The following DZIP3 variants were observed in gnomAD, a reference collection of about 807,000 sequenced individuals.
The protein encoded by DZIP3 is E3 ubiquitin-protein ligase DZIP3.
A neutral mutation model predicts 162.0 loss-of-function variants in DZIP3; 118 were observed. The ratio of observed to expected loss-of-function variants is 0.73; its 90% CI spans 0.63 to 0.85. The LOEUF (loss-of-function observed/expected upper bound fraction) is 0.85, where lower values mean the gene tolerates loss of function less well. Ranked by LOEUF, DZIP3 falls within the 40% of genes least tolerant of loss-of-function variation. DZIP3 has a pLI of 0.00. For missense variants in DZIP3, 1,331 were observed against 1,407.0 expected (o/e 0.95, Z 0.86); for synonymous variants, 438 against 458.6 (o/e 0.96, Z 0.57).
intron 26 of DZIP3, among the ~76,000 whole-genome samples, chr3:108,679,566 G>A (rs186068703): frequency 1.3e-5 from 2 of 152,192 alleles, no homozygotes; most frequent in East Asian, 3.9e-4. Flanking sequence ...TGACCACTGA[G>A]CATCAGAGGA....
chr3:108,631,077 T>TCTCTCTCTCTCTCTCTCTCTCTCC (rs1941860963), intron 8 of DZIP3, among the ~76,000 whole-genome samples: 1 of 134,556 alleles, frequency 7.4e-6, no homozygotes, highest in Non-Finnish European at 1.6e-5. Context: ...TCTCTCTCTC[T>TCTCTCTCTCTCTCTCTCTCTCTCC]CTCTCTCTCT....
chr3:108,633,012 T>A lies in DZIP3; in HGVS notation c.756T>A (p.Cys252Ter), dbSNP rs1941958840. The A allele has an allele frequency of 2.6e-6, 4 of 1,509,896 alleles. No homozygotes were observed. The highest frequency in any genetic ancestry group is 2.0e-5 in the Admixed American group (1 of 50,640). 93.5% of individuals were successfully genotyped at this position (1,509,896 alleles called of 1,614,324 possible). Residue 252 changes from cysteine to a stop codon, truncating the protein, a stop_gained, in exon 9 of 33, where the codon TGT becomes TGA. Coordinates refer to ENST00000361582, the MANE Select transcript of DZIP3 (RefSeq NM_014648.4). LOFTEE classifies it high-confidence loss of function. ...GCAATATAATGAAGCAGACGATTTGTAGTTACCTAGATTGTGAACGATCTT... is the reference window on the plus strand; with the variant it reads ...GCAATATAATGAAGCAGACGATTTGAAGTTACCTAGATTGTGAACGATCTT... ...TESNIMKQTI[C>*]SYLDCERSCE...
Position 108,635,420 on chromosome 3 carries a change from A to C in DZIP3, c.918+448A>C, listed in dbSNP as rs199885561. The C allele has an allele frequency of 9.7e-4, 264 of 273,480 alleles. 2 individuals are homozygous for C. Among genetic ancestry groups the C allele is most frequent in the Non-Finnish European group, 1.4e-3 (200 of 140,144 alleles). 16.9% of individuals were successfully genotyped at this position (273,480 alleles called of 1,614,324 possible). ...CAAGGACAAATTTCATAGTCTTCAA[A>C]AATATATATGGAACTTTTAATATTT... On this transcript the variant is annotated intron_variant, in intron 10 of 32. Transcript: ENST00000361582.
chr3:108,672,816 G>T (rs992924476), intron 23 of DZIP3, among the ~76,000 whole-genome samples, 160 bp downstream of exon 23: 6 of 151,954 alleles, frequency 3.9e-5, no homozygotes, highest in African/African-American at 1.4e-4. Context: ...GTGCTTTTTT[G>T]ACTCATTGGC....
intron 2 of DZIP3, 26 bp downstream of exon 2, chr3:108,605,464 T>C: frequency 3.1e-6 from 5 of 1,611,712 alleles, no homozygotes; most frequent in Non-Finnish European, 4.2e-6. Flanking sequence ...CCAACCTTTT[T>C]GGCACCATGG....
At position 108,688,683 on chromosome 3, in the gene DZIP3, T is replaced by C; in HGVS notation, c.3361T>C (p.Trp1121Arg). Residue 1121 changes from tryptophan to arginine, a missense_variant, in exon 30 of 33, where the codon TGG becomes CGG. By Grantham distance (101) the Trp-to-Arg change is moderately radical. This residue lies in a region of DZIP3 where 1,278 missense variants were observed against 1,317.1 expected (regional missense o/e 0.97). Coordinates refer to ENST00000361582, the MANE Select transcript of DZIP3 (RefSeq NM_014648.4). Reference protein sequence around the residue: ...PDAAQPPKPAWRPLTSQGPAT... With the variant: ...PDAAQPPKPARRPLTSQGPAT... ...TGCTGCCCAGCCCCCAAAACCAGCC[T>C]GGAGGCCACTCACTTCACAGGGTCC... 1.2e-6 allele frequency: 2 copies of C among 1,614,104 alleles called. No individual in the cohort carries two copies. The highest frequency in any genetic ancestry group is 1.3e-5 in the African/African-American group (1 of 75,052).
chr3:108,653,168 G>A (rs1298001856), intron 18 of DZIP3, among the ~76,000 whole-genome samples: 1 of 151,734 alleles, frequency 6.6e-6, no homozygotes, highest in Non-Finnish European at 1.5e-5. Flanking sequence ...TGATTTCATC[G>A]AACTTTTCAG....
At chr3:108,599,779 A>G (rs955458481) in intron 1 of DZIP3, among the ~76,000 whole-genome samples, 2 of 152,150 alleles carry the variant, frequency 1.3e-5, no homozygotes, top group Non-Finnish European at 2.9e-5. Flanking sequence ...CCCTCTTTCT[A>G]CCATGTGAGG....
chr3:108,667,749 A>G (rs1328891047), intron 21 of DZIP3, among the ~76,000 whole-genome samples: 1 of 152,192 alleles, frequency 6.6e-6, no homozygotes, highest in Non-Finnish European at 1.5e-5. Flanking sequence ...GTACATAATG[A>G]AAAACTGTCA....
intron 21 of DZIP3, among the ~76,000 whole-genome samples, chr3:108,666,954 C>T (rs1296448415): frequency 2.0e-5 from 3 of 151,988 alleles, no homozygotes; most frequent in African/African-American, 7.2e-5. Flanking sequence ...TCCAAGCTCT[C>T]ACTTCAAGAT....
intron 26 of DZIP3, among the ~76,000 whole-genome samples, chr3:108,682,988 C>T (rs1271946902): frequency 6.6e-6 from 1 of 150,748 alleles, no homozygotes; most frequent in Non-Finnish European, 1.5e-5. Context: ...TTTTTTAAGA[C>T]TTTACATGTA....
chr3:108,654,379 C>T (rs1157938796), intron 19 of DZIP3, 69 bp downstream of exon 19: 1 of 1,541,364 alleles, frequency 6.5e-7, no homozygotes, highest in Admixed American at 1.7e-5. Context: ...ACTCTTTAAA[C>T]AGCATCACCC....
chr3:108,625,700 A>G (rs1468316785), intron 6 of DZIP3, 145 bp from the exon 7 acceptor site: 2 of 724,478 alleles, frequency 2.8e-6, no homozygotes, highest in Non-Finnish European at 4.1e-6. Context: ...CAGAGATGCC[A>G]GGATTCAGAA....
At chr3:108,659,171 C>T (rs1367765482) in intron 19 of DZIP3, among the ~76,000 whole-genome samples, 5 of 152,098 alleles carry the variant, frequency 3.3e-5, no homozygotes, top group African/African-American at 9.7e-5. Flanking sequence ...ATAGCAAAGC[C>T]GGGCAGAGAC....
rs76682719 is a variant in DZIP3 at position 108,629,246 on chromosome 3, C to T, written c.696+70C>T. 5,314 of 1,007,098 alleles carry T rather than the reference C, an allele frequency of 5.3e-3. 141 individuals carry two copies. In the African/African-American group the frequency reaches 0.064, roughly 12 times the overall value. The allele number at this position is 1,007,098 out of a possible 1,614,324, so 62.4% of individuals were successfully genotyped here. A position where few individuals can be genotyped will look rare whatever the true frequency, so the allele number is the denominator to read the frequency against. ...AATAACCAACTATATCATATTCTTACAGCAAGCATGTTCTTTTATTGGCAC... is the reference window on the plus strand; with the variant it reads ...AATAACCAACTATATCATATTCTTATAGCAAGCATGTTCTTTTATTGGCAC... On this transcript the variant is annotated intron_variant, in intron 8 of 32. Coordinates refer to ENST00000361582, the MANE Select transcript of DZIP3 (RefSeq NM_014648.4).
chr3:108,651,651 T>G (rs572252382), intron 18 of DZIP3, among the ~76,000 whole-genome samples: 1 of 151,726 alleles, frequency 6.6e-6, no homozygotes, highest in African/African-American at 2.4e-5. Flanking sequence ...TTTTTAAGAC[T>G]TAACCTGCAT....
intron 1 of DZIP3, among the ~76,000 whole-genome samples, chr3:108,601,709 G>A (rs545169779): frequency 2.6e-5 from 4 of 152,278 alleles, no homozygotes; most frequent in Admixed American, 2.6e-4. Context: ...TAGTGCCATA[G>A]ATAGTTGTTT....
intron 32 of DZIP3, among the ~76,000 whole-genome samples, chr3:108,692,218 TA>T (rs930334010): frequency 1.7e-4 from 26 of 152,124 alleles, no homozygotes; most frequent in African/African-American, 4.8e-4. Context: ...GAAATATATA[TA>T]TTTTTTTTCT....
chr3:108,672,412 T>G lies in DZIP3; in HGVS notation c.2493-148T>G, dbSNP rs1371561815. The G allele has an allele frequency of 4.6e-6, 3 of 645,320 alleles. No homozygotes were observed. The East Asian group carries it at 8.2e-5, about 18-fold the overall frequency. 40.0% of individuals were successfully genotyped at this position (645,320 alleles called of 1,614,324 possible). A position where few individuals can be genotyped will look rare whatever the true frequency, so the allele number is the denominator to read the frequency against. The stretch of plus-strand genomic sequence containing the variant: ...AAGGATAACAGTAGGGATTGAACAA[T>G]GTATCTTCTCTTGTTTCTATGTGCT... On this transcript the variant is annotated intron_variant, in intron 22 of 32. Coordinates refer to ENST00000361582, the MANE Select transcript of DZIP3 (RefSeq NM_014648.4).
Sources: allele counts gnomAD v4.1 joint callset (sites outside exome capture counted in the v4.1 genomes callset), GRCh38; gene constraint gnomAD v4.1.1; regional missense constraint gnomAD v4.1.1; transcripts MANE v1.5; gene names NCBI Gene and HGNC (gene_info 2026-07-23, HGNC 2026-07-21).